The following DMD variants were observed in gnomAD, a reference collection of about 807,000 sequenced individuals.
DMD encodes mutant dystrophin.
In DMD, 63 loss-of-function variants were observed where a neutral mutation model predicts 330.1. That is an observed-to-expected ratio of 0.19 (90% CI 0.16 to 0.24). The LOEUF (loss-of-function observed/expected upper bound fraction) is 0.24. DMD is among the 10% of genes least tolerant of loss of function. DMD has a pLI of 1.00. For missense variants in DMD, 3,344 were observed against 2,684.1 expected, an observed-to-expected ratio of 1.25 and a Z score of -5.43; for synonymous variants, 1,223 against 959.8, an observed-to-expected ratio of 1.27 and a Z score of -5.07.
intron 7 of DMD, among the ~76,000 whole-genome samples, chrX:32,732,629 T>C (rs1385263452): frequency 9.0e-6 from 1 of 111,069 alleles, no homozygotes; most frequent in Non-Finnish European, 1.9e-5. Flanking sequence ...AAGAAAAGAA[T>C]TTTCAACCCA....
chrX:32,817,556 T>G (rs2077867112), intron 5 of DMD, among the ~76,000 whole-genome samples: 1 of 112,083 alleles, frequency 8.9e-6, no homozygotes, highest in African/African-American at 3.2e-5. Flanking sequence ...AAGACTGCTT[T>G]TTAAATATAA....
At chrX:32,917,981 GAA>G (rs200449126) in intron 2 of DMD, among the ~76,000 whole-genome samples, 3 of 88,254 alleles carry the variant, frequency 3.4e-5, no homozygotes, top group Admixed American at 1.3e-4. Flanking sequence ...TCATCTGCTA[GAA>G]AAAAAAAAAA....
intron 44 of DMD, among the ~76,000 whole-genome samples, chrX:32,099,038 C>T (rs1208457856): frequency 9.0e-6 from 1 of 111,589 alleles, no homozygotes; most frequent in Non-Finnish European, 1.9e-5. Flanking sequence ...AAATCTATGG[C>T]CTACAGTGTG....
rs757728085 is a variant in DMD, at chrX:32,938,860, T to C, written c.93+81279A>G. On this transcript the variant is annotated intron_variant, in intron 2 of 78. Transcript: ENST00000357033. ...AGCAATAAATTATAGGAAAATAATT[T>C]GTAATAATTGGTTAAGTAATTAACC... Among the ~76,000 whole-genome samples the C allele has an allele frequency of 3.2e-3, 359 of 111,016 alleles. 1 individual carries two copies. Among genetic ancestry groups the C allele is most frequent in the Non-Finnish European group, 5.5e-3 (289 of 52,859 alleles).
intron 67 of DMD, 75 bp from the exon 68 acceptor site, chrX:31,182,979 A>G (rs887358578): frequency 1.0e-5 from 9 of 877,997 alleles, no homozygotes; most frequent in Admixed American, 8.4e-5. Context: ...AAGGAGGTGT[A>G]TATCAGTTCG....
chrX:32,087,968 A>G (rs1220047252), intron 44 of DMD, among the ~76,000 whole-genome samples: 1 of 112,268 alleles, frequency 8.9e-6, no homozygotes, highest in East Asian at 2.8e-4. Flanking sequence ...TTCTCAGGAG[A>G]ATAATGAATT....
At chrX:31,574,141 T>TG (rs2075969194) in intron 55 of DMD, among the ~76,000 whole-genome samples, 1 of 96,125 alleles carries the variant, frequency 1.0e-5, no homozygotes, top group African/African-American at 3.8e-5. Context: ...TTTGTTTTTT[T>TG]TTTTGTTTTT....
chrX:31,628,963 C>T (rs2079000998), intron 54 of DMD, among the ~76,000 whole-genome samples: 1 of 93,806 alleles, frequency 1.1e-5, no homozygotes, highest in Admixed American at 1.1e-4. Context: ...ATTGTGGATA[C>T]ACACACATAT....
chrX:33,087,119 C>T (rs2095019349), intron 1 of DMD, among the ~76,000 whole-genome samples: 1 of 111,639 alleles, frequency 9.0e-6, no homozygotes, highest in African/African-American at 3.3e-5. Flanking sequence ...GGAAACTTGT[C>T]AGTCAGGAAA....
At chrX:32,666,266 T>A (rs1173424457) in intron 9 of DMD, among the ~76,000 whole-genome samples, 5 of 110,640 alleles carry the variant, frequency 4.5e-5, no homozygotes, top group Non-Finnish European at 9.4e-5. Context: ...AATATACATG[T>A]GCTATAGTGG....
intron 30 of DMD, among the ~76,000 whole-genome samples, chrX:32,407,771 C>T (rs779849947): frequency 2.1e-4 from 23 of 109,969 alleles, no homozygotes; most frequent in Admixed American, 2.0e-3. Flanking sequence ...GGCACATATA[C>T]ACCTTGGAAT....
intron 43 of DMD, among the ~76,000 whole-genome samples, chrX:32,233,806 ATTTTAAGTAGAGAGGGTT>A (rs2097178101): frequency 9.3e-6 from 1 of 108,050 alleles, no homozygotes; most frequent in Admixed American, 1.0e-4. Context: ...CTAATTTTGT[ATTTTAAGTAGAGAGGGTT>A]TCTCCATGTT....
At chrX:33,247,745 GTAGATGCAAATGAAGTATA>G (rs1412854539) in intron 1 of DMD, among the ~76,000 whole-genome samples, 1 of 111,919 alleles carries the variant, frequency 8.9e-6, no homozygotes, top group East Asian at 2.8e-4. Flanking sequence ...ATGCACAGCT[GTAGATGCAAATGAAGTATA>G]TTTATTAACT....
intron 44 of DMD, among the ~76,000 whole-genome samples, chrX:32,107,196 G>C: frequency 9.0e-6 from 1 of 110,699 alleles, no homozygotes; most frequent in Non-Finnish European, 1.9e-5. Flanking sequence ...TTAATGATTA[G>C]GAAAAAGAGC....
At chrX:31,323,718 A>G (rs1287551881) in intron 61 of DMD, 60 bp from the exon 62 acceptor site, 1 of 993,466 alleles carries the variant, frequency 1.0e-6, no homozygotes, top group Non-Finnish European at 1.4e-6. Context: ...CAAACAGGAA[A>G]GACAACATTA....
intron 62 of DMD, among the ~76,000 whole-genome samples, chrX:31,318,074 A>G (rs12008262): frequency 0.16 from 17,763 of 111,816 alleles, 1,118 homozygotes; most frequent in Non-Finnish European, 0.2. Context: ...AGGGGCTAGA[A>G]CAAGAATGAG....
chrX:32,209,812 T>C (rs939272365), intron 44 of DMD, among the ~76,000 whole-genome samples: 1 of 111,878 alleles, frequency 8.9e-6, no homozygotes, highest in African/African-American at 3.2e-5. Context: ...TCCAATAATG[T>C]ATGAAAATCT....
rs143510269 is a variant in DMD at position 32,824,903 on chromosome X, G to C, written c.265-1516C>G. ...AGATTGATCATTCAAGAATAAGAAA[G>C]CATCATCATCTGCATCATCATCTGG... On this transcript the variant is annotated intron_variant, in intron 4 of 78. Coordinates refer to ENST00000357033, the MANE Select transcript of DMD (RefSeq NM_004006.3). 3.3e-3 allele frequency among the ~76,000 whole-genome samples: 362 copies of C among 111,307 alleles called. 5 individuals are homozygous for C. Among genetic ancestry groups the C allele is most frequent in the Admixed American group, 5.3e-3 (55 of 10,449 alleles).
intron 50 of DMD, among the ~76,000 whole-genome samples, chrX:31,802,739 G>A (rs1421584985): frequency 8.9e-6 from 1 of 111,791 alleles, no homozygotes; most frequent in Non-Finnish European, 1.9e-5. Flanking sequence ...CATCTAAGTG[G>A]AACTGTTGAG....
Sources: gnomAD v4.1 joint callset for allele counts (sites outside exome capture counted in the v4.1 genomes callset) on GRCh38, gnomAD v4.1.1 for gene constraint, MANE v1.5 for transcripts, NCBI Gene and HGNC (gene_info 2026-07-23, HGNC 2026-07-21) for gene names.